PELI2: variants seen among roughly 807,000 people sequenced by gnomAD.
PELI2 encodes the protein E3 ubiquitin-protein ligase pellino homolog 2.
In PELI2, 23 loss-of-function variants were observed where a neutral mutation model predicts 42.3. That is an observed-to-expected ratio of 0.54 (90% CI 0.39 to 0.77). The LOEUF (loss-of-function observed/expected upper bound fraction) is 0.77. Ranked by LOEUF, PELI2 falls within the 30% of genes least tolerant of loss-of-function variation. PELI2 has a pLI of 0.00. For missense variants in PELI2, 463 were observed against 553.2 expected (o/e 0.84, Z 1.64); for synonymous variants, 245 against 212.2 (o/e 1.15, Z -1.34).
intron 1 of PELI2, among the ~76,000 whole-genome samples, chr14:56,142,743 T>G (rs561126056): frequency 2.0e-5 from 3 of 152,134 alleles, no homozygotes; most frequent in East Asian, 3.9e-4. Flanking sequence ...AAAATAGGAG[T>G]ACATAGCCTT....
chr14:56,243,272 T>C (rs929075386), intron 2 of PELI2, among the ~76,000 whole-genome samples: 1 of 151,958 alleles, frequency 6.6e-6, no homozygotes, highest in African/African-American at 2.4e-5. Context: ...CACTTGGGAG[T>C]GTGTCTTTTG....
At chr14:56,119,962 C>A in intron 1 of PELI2, 1 of 382,338 alleles carries the variant, frequency 2.6e-6, no homozygotes, top group Non-Finnish European at 3.6e-6. Context: ...TAAGTGCTGA[C>A]TTAAAAATAA....
At chr14:56,128,049 T>A (rs1398386459) in intron 1 of PELI2, among the ~76,000 whole-genome samples, 1 of 152,130 alleles carries the variant, frequency 6.6e-6, no homozygotes, top group African/African-American at 2.4e-5. Context: ...ATCCTGCACA[T>A]GGACCCCTGA....
chr14:56,233,555 T>G (rs957895911), intron 2 of PELI2, among the ~76,000 whole-genome samples: 1 of 152,206 alleles, frequency 6.6e-6, no homozygotes, highest in African/African-American at 2.4e-5. Context: ...TAGCCATATG[T>G]AGAAAGCTGA....
chr14:56,118,598 T>A lies in PELI2; in HGVS notation c.-63T>A. ...ATGGGATTGTAGCGGCGGCGCGGACTCGGCGGGGATCGCGGCGGAGGCGGC... is the reference window on the plus strand; with the variant it reads ...ATGGGATTGTAGCGGCGGCGCGGACACGGCGGGGATCGCGGCGGAGGCGGC... On this transcript the variant is annotated 5_prime_UTR_variant, in exon 1 of 6. Coordinates refer to ENST00000267460, the MANE Select transcript of PELI2 (RefSeq NM_021255.3). The A allele has an allele frequency of 9.2e-7, 1 of 1,083,134 alleles. No individual in the cohort carries two copies. 67.1% of individuals were successfully genotyped at this position (1,083,134 alleles called of 1,614,324 possible). A position where few individuals can be genotyped will look rare whatever the true frequency, so the allele number is the denominator to read the frequency against.
At chr14:56,234,712 G>T (rs529457352) in intron 2 of PELI2, among the ~76,000 whole-genome samples, 21 of 152,074 alleles carry the variant, frequency 1.4e-4, no homozygotes, top group South Asian at 1.0e-3. Flanking sequence ...TAACAAAGCT[G>T]CACATTGTGC....
At chr14:56,265,178 CA>C (rs1392253854) in intron 2 of PELI2, among the ~76,000 whole-genome samples, 2 of 152,026 alleles carry the variant, frequency 1.3e-5, no homozygotes, top group African/African-American at 4.8e-5. Context: ...CTAAAATTGC[CA>C]AAACTGCTTT....
intron 2 of PELI2, among the ~76,000 whole-genome samples, chr14:56,245,059 A>C (rs1456307628): frequency 2.0e-5 from 3 of 152,224 alleles, no homozygotes; most frequent in African/African-American, 7.2e-5. Flanking sequence ...AAATGAATGA[A>C]GAATCTATTT....
chr14:56,118,550 G>T lies in PELI2; in HGVS notation c.-111G>T. ...CCCCTTCGCCGCCGTGCCCTTCCCCGGCGCGCTCACCCCGTTCTCGGGATG... is the reference window on the plus strand; with the variant it reads ...CCCCTTCGCCGCCGTGCCCTTCCCCTGCGCGCTCACCCCGTTCTCGGGATG... On this transcript the variant is annotated 5_prime_UTR_variant, in exon 1 of 6. Coordinates refer to ENST00000267460, the MANE Select transcript of PELI2 (RefSeq NM_021255.3). 1 of 614,350 alleles carries T rather than the reference G, an allele frequency of 1.6e-6. No individual in the cohort carries two copies. Among genetic ancestry groups the T allele is most frequent in the Non-Finnish European group, 2.4e-6 (1 of 420,524 alleles). 38.1% of individuals were successfully genotyped at this position (614,350 alleles called of 1,614,324 possible).
At chr14:56,189,400 T>C (rs1381438018) in intron 2 of PELI2, among the ~76,000 whole-genome samples, 1 of 152,206 alleles carries the variant, frequency 6.6e-6, no homozygotes, top group African/African-American at 2.4e-5. Flanking sequence ...AGAGAGAACA[T>C]AGCTCTTCAA....
rs1885451860 is a variant in PELI2 at position 56,178,203 on chromosome 14, CT to C, written c.78-128del. Reference sequence around the variant, plus strand: ...CTGAAGTCTGTATTGCAACCCTTTCCTTTTGTGGAGTGTTTAGTGGGCAATT... The same window carrying C: ...CTGAAGTCTGTATTGCAACCCTTTCCTTTGTGGAGTGTTTAGTGGGCAATT... On this transcript the variant is annotated intron_variant, in intron 1 of 5. Transcript: ENST00000267460. The C allele has an allele frequency of 3.7e-6, 3 of 821,148 alleles. No individual in the cohort carries two copies. In the Admixed American group the frequency reaches 8.1e-5, roughly 22 times the overall value. The allele number at this position is 821,148 out of a possible 1,614,324, so 50.9% of individuals were successfully genotyped here. A position where few individuals can be genotyped will look rare whatever the true frequency, so the allele number is the denominator to read the frequency against.
At chr14:56,143,823 C>T (rs928881463) in intron 1 of PELI2, among the ~76,000 whole-genome samples, 6 of 152,300 alleles carry the variant, frequency 3.9e-5, no homozygotes, top group Admixed American at 1.3e-4. Context: ...GTTTTAGGCT[C>T]ACCTTGTATT....
At chr14:56,187,165 A>G (rs1166801103) in intron 2 of PELI2, among the ~76,000 whole-genome samples, 1 of 152,166 alleles carries the variant, frequency 6.6e-6, no homozygotes, top group East Asian at 1.9e-4. Context: ...GCAGGTAGAA[A>G]ATATTCTGAA....
chr14:56,189,182 A>T (rs1885873786), intron 2 of PELI2, among the ~76,000 whole-genome samples: 1 of 152,144 alleles, frequency 6.6e-6, no homozygotes. Context: ...TAAAACAGGG[A>T]TTTATATCAG....
In PELI2 at chr14:56,133,104, GTT is replaced by G. The variant is rs34450302; in HGVS notation, c.77+14373_77+14374del. On this transcript the variant is annotated intron_variant, in intron 1 of 5. Coordinates refer to ENST00000267460, the MANE Select transcript of PELI2 (RefSeq NM_021255.3). ...AATCCATGATGCTAATATTATTTTC[GTT>G]TTTTTCACTTTCACTTCTAGTTATT... 3.4e-3 allele frequency among the ~76,000 whole-genome samples: 522 copies of G among 151,394 alleles called. 4 individuals are homozygous for G. Among genetic ancestry groups the G allele is most frequent in the African/African-American group, 0.011 (453 of 41,216 alleles).
At chr14:56,121,800 C>T (rs1437499163) in intron 1 of PELI2, among the ~76,000 whole-genome samples, 1 of 152,182 alleles carries the variant, frequency 6.6e-6, no homozygotes, top group East Asian at 1.9e-4. Flanking sequence ...AGAGCCCTTC[C>T]TGGTCTGTGC....
intron 1 of PELI2, among the ~76,000 whole-genome samples, chr14:56,177,789 C>T (rs1487520375): frequency 6.6e-6 from 1 of 152,060 alleles, no homozygotes; most frequent in Non-Finnish European, 1.5e-5. Flanking sequence ...AATCTGACAG[C>T]GTAGGGTTCA....
intron 1 of PELI2, among the ~76,000 whole-genome samples, chr14:56,141,063 C>T (rs544350082): frequency 6.6e-6 from 1 of 152,272 alleles, no homozygotes; most frequent in South Asian, 2.1e-4. Context: ...TTGGTGAGAA[C>T]CCAAAGGCTA....
chr14:56,170,737 C>T (rs952781628), intron 1 of PELI2, among the ~76,000 whole-genome samples: 8 of 152,204 alleles, frequency 5.3e-5, no homozygotes, highest in Middle Eastern at 6.8e-3. Flanking sequence ...AACAGAAAAA[C>T]CCTTTATTAC....
Sources: allele counts gnomAD v4.1 joint callset (sites outside exome capture counted in the v4.1 genomes callset), GRCh38; gene constraint gnomAD v4.1.1; transcripts MANE v1.5; gene names NCBI Gene and HGNC (gene_info 2026-07-23, HGNC 2026-07-21).